LRRC2: variants seen among roughly 807,000 people sequenced by gnomAD.
LRRC2 encodes the protein leucine rich repeat containing 2, also known as leucine-rich repeat-containing protein 2.
Under a neutral mutation model 40.2 loss-of-function variants are expected in LRRC2, and 27 were observed. That is an observed-to-expected ratio of 0.67 (90% confidence interval 0.49 to 0.93). LRRC2 has a LOEUF of 0.93. Ranked by LOEUF, LRRC2 falls within the 40% of genes least tolerant of loss-of-function variation. LRRC2 has a pLI of 0.00. For missense variants in LRRC2, 402 were observed against 439.6 expected (o/e 0.91, Z 0.76); for synonymous variants, 147 against 158.9 (o/e 0.92, Z 0.56).
At chr3:46,554,210 G>A (rs1704735004) in intron 1 of LRRC2, among the ~76,000 whole-genome samples, 1 of 151,868 alleles carries the variant, frequency 6.6e-6, no homozygotes, top group African/African-American at 2.4e-5. Flanking sequence ...TGTAGAGATG[G>A]TGGTCCCACT....
chr3:46,533,169 A>T (rs1381191991), intron 4 of LRRC2, among the ~76,000 whole-genome samples: 2 of 152,198 alleles, frequency 1.3e-5, no homozygotes, highest in East Asian at 1.9e-4. Context: ...TTTAAGGCTC[A>T]TGCCTTCAGT....
intron 4 of LRRC2, among the ~76,000 whole-genome samples, chr3:46,533,642 G>C (rs1453465353): frequency 6.6e-6 from 1 of 152,030 alleles, no homozygotes; most frequent in African/African-American, 2.4e-5. Context: ...AATGTCTCCT[G>C]TAATAAATAG....
At chr3:46,536,551 C>T (rs1318216097) in intron 4 of LRRC2, among the ~76,000 whole-genome samples, 5 of 152,180 alleles carry the variant, frequency 3.3e-5, no homozygotes, top group Admixed American at 2.0e-4. Context: ...TTCTCCTCCT[C>T]CGAGTGTGCA....
Position 46,553,689 on chromosome 3 carries a change from T to A in LRRC2, c.-19-2079A>T, listed in dbSNP as rs1428291163. Among the ~76,000 whole-genome samples, 3 of 152,228 alleles carry A rather than the reference T, an allele frequency of 2.0e-5. No individual in the cohort carries two copies. The East Asian group carries it at 5.8e-4, about 29-fold the overall frequency. On this transcript the variant is annotated intron_variant, in intron 1 of 8. Coordinates refer to ENST00000395905, the MANE Select transcript of LRRC2 (RefSeq NM_024512.5). The stretch of plus-strand genomic sequence containing the variant: ...TTTTTGTGGAAGCGGGGCCTCGCTA[T>A]GTTACCCAGGCTGGTCTTGAACTCC...
At chr3:46,552,633 G>C (rs1212596461) in intron 1 of LRRC2, among the ~76,000 whole-genome samples, 1 of 151,934 alleles carries the variant, frequency 6.6e-6, no homozygotes, top group South Asian at 2.1e-4. Context: ...GTTCTCCAGG[G>C]TAGTCTCTGC....
intron 3 of LRRC2, among the ~76,000 whole-genome samples, chr3:46,539,446 C>T (rs943889160): frequency 3.9e-5 from 6 of 152,166 alleles, no homozygotes; most frequent in African/African-American, 1.4e-4. Flanking sequence ...AAATTAAATC[C>T]TAGTGAACAC....
intron 7 of LRRC2, 136 bp from the exon 8 acceptor site, chr3:46,521,794 C>T (rs1703968868): frequency 1.3e-6 from 1 of 762,648 alleles, no homozygotes; most frequent in Non-Finnish European, 2.0e-6. Flanking sequence ...ATGATATCAG[C>T]ATCACCAGTG....
In LRRC2 at chr3:46,521,623, G is replaced by C. The variant is rs200302100; in HGVS notation, c.965C>G (p.Ala322Gly). The change falls in exon 8 of 9, where the codon GCC becomes GGC. Residue 322 changes from alanine to glycine, a missense_variant. By Grantham distance (60) the Ala-to-Gly change is moderately conservative. Transcript: ENST00000395905. Reference sequence around the variant, plus strand: ...TATTTCATTGCCATCTTCACATTGGGCATTATCAATAGGATTGTCCATAAG... The same window carrying C: ...TATTTCATTGCCATCTTCACATTGGCCATTATCAATAGGATTGTCCATAAG... Reference protein sequence around the residue: ...VSLMDNPIDNAQCEDGNEIME... With the variant: ...VSLMDNPIDNGQCEDGNEIME... The C allele has an allele frequency of 3.1e-6, 5 of 1,612,374 alleles. No individual in the cohort carries two copies. Among genetic ancestry groups the C allele is most frequent in the Admixed American group, 1.7e-5 (1 of 59,952 alleles).
chr3:46,527,865 A>G (rs1704087364), intron 6 of LRRC2, among the ~76,000 whole-genome samples: 1 of 151,922 alleles, frequency 6.6e-6, no homozygotes, highest in Non-Finnish European at 1.5e-5. Flanking sequence ...CTGAGTAACT[A>G]GGACTACAGG....
At chr3:46,540,301 A>G (rs1401000194) in intron 3 of LRRC2, among the ~76,000 whole-genome samples, 2 of 152,044 alleles carry the variant, frequency 1.3e-5, no homozygotes, top group Non-Finnish European at 2.9e-5. Context: ...AAGGCGGGTG[A>G]ATCACCTGAG....
intron 7 of LRRC2, among the ~76,000 whole-genome samples, chr3:46,526,882 CA>C (rs1043603715): frequency 4.6e-5 from 7 of 152,218 alleles, no homozygotes. Flanking sequence ...GGGGCAACCC[CA>C]AAGCTCCAGA....
chr3:46,523,210 T>C lies in LRRC2; in HGVS notation c.930-1552A>G, dbSNP rs192948343. On this transcript the variant is annotated intron_variant, in intron 7 of 8. Transcript: ENST00000395905. ...CTTCCCTATTCAAAAATAAGAAATATACCTACATTTTATCATTCTTAACAT... is the reference window on the plus strand; with the variant it reads ...CTTCCCTATTCAAAAATAAGAAATACACCTACATTTTATCATTCTTAACAT... 4.4e-3 allele frequency among the ~76,000 whole-genome samples: 663 copies of C among 152,318 alleles called. 1 individual carries two copies. Among genetic ancestry groups the C allele is most frequent in the Non-Finnish European group, 7.1e-3 (485 of 68,030 alleles).
chr3:46,548,355 T>G (rs1189809494), intron 2 of LRRC2, among the ~76,000 whole-genome samples: 1 of 152,234 alleles, frequency 6.6e-6, no homozygotes, highest in Non-Finnish European at 1.5e-5. Flanking sequence ...ATTTTATGTC[T>G]GATTCCCTCT....
chr3:46,526,078 G>A (rs1232822915), intron 7 of LRRC2, among the ~76,000 whole-genome samples: 1 of 151,954 alleles, frequency 6.6e-6, no homozygotes, highest in Non-Finnish European at 1.5e-5. Context: ...TCAGCCTCCT[G>A]AGTAGCGGGG....
chr3:46,550,753 G>C (rs991583618), intron 2 of LRRC2, among the ~76,000 whole-genome samples: 1 of 152,128 alleles, frequency 6.6e-6, no homozygotes. Flanking sequence ...ACTTGATGTA[G>C]GGTTGGGACT....
chr3:46,544,933 G>A, intron 3 of LRRC2, 113 bp downstream of exon 3: 1 of 1,010,294 alleles, frequency 9.9e-7, no homozygotes, highest in Admixed American at 1.8e-5. Context: ...ACTGAGGAAG[G>A]GACAGAAGAA....
In LRRC2 at chr3:46,557,282, C is replaced by A. The variant is rs966088288; in HGVS notation, c.-19-5672G>T. The A allele has an allele frequency of 3.3e-5, 5 of 153,482 alleles. No homozygotes were observed. The East Asian group carries it at 9.6e-4, about 29-fold the overall frequency. The allele number at this position is 153,482 out of a possible 1,614,324, so 9.5% of individuals were successfully genotyped here. A position where few individuals can be genotyped will look rare whatever the true frequency, so the allele number is the denominator to read the frequency against. ...GCTCATCCTGGCTCAAAAACTCCCC[C>A]ACTGAGCACCTTGCGACCCCCACTC... On this transcript the variant is annotated intron_variant, in intron 1 of 8. Coordinates refer to ENST00000395905, the MANE Select transcript of LRRC2 (RefSeq NM_024512.5).
At chr3:46,534,423 C>CTTTCTTCCTTTCTTT in intron 4 of LRRC2, among the ~76,000 whole-genome samples, 1 of 101,106 alleles carries the variant, frequency 9.9e-6, no homozygotes, top group African/African-American at 3.8e-5. Flanking sequence ...TTCCTTCCTT[C>CTTTCTTCCTTTCTTT]CTTTCTTTCT....
In LRRC2 at chr3:46,551,532, A is replaced by C. The variant is rs202146068; in HGVS notation, c.60T>G (p.Arg20=). 1.9e-6 allele frequency: 3 copies of C among 1,614,120 alleles called. No homozygotes were observed. Among genetic ancestry groups the C allele is most frequent in the African/African-American group, 2.7e-5 (2 of 75,048 alleles). Residue 20 remains arginine (R), a synonymous_variant, in exon 2 of 9, where the codon CGT becomes CGG. Transcript: ENST00000395905. Reference sequence around the variant, plus strand: ...TCTGCCAAGCTTTGTGCTTCTTGACACGAGTTTCCCACAAGGCTCTGATGA... The same window carrying C: ...TCTGCCAAGCTTTGTGCTTCTTGACCCGAGTTTCCCACAAGGCTCTGATGA... ...ISVIRALWET[R]VKKHKAWQKK...
Sources: gnomAD v4.1 joint callset for allele counts (sites outside exome capture counted in the v4.1 genomes callset) on GRCh38, gnomAD v4.1.1 for gene constraint, MANE v1.5 for transcripts, NCBI Gene and HGNC (gene_info 2026-07-23, HGNC 2026-07-21) for gene names.